Variants in QTGAL observed in about 807,000 individuals in gnomAD.
QTGAL encodes the protein BGnT-like protein 1.
chr17:82,959,596 C>T, the QTGAL span, among the ~76,000 whole-genome samples: 24 of 151,830 alleles, frequency 1.6e-4, no homozygotes, highest in Admixed American at 3.3e-4. Context: ...TTGGGTGTCT[C>T]GGGGCGGGGG....
chr17:82,989,483 G>A, the QTGAL span, among the ~76,000 whole-genome samples: 1 of 115,832 alleles, frequency 8.6e-6, no homozygotes, highest in Admixed American at 1.0e-4. Context: ...TTCTGCACAT[G>A]TATTCTGGAA....
At chr17:83,042,921 A>G in the QTGAL span, among the ~76,000 whole-genome samples, 4 of 152,228 alleles carry the variant, frequency 2.6e-5, no homozygotes, top group Non-Finnish European at 4.4e-5. Context: ...CAGAAAAAAT[A>G]GACTTCAACT....
chr17:82,999,229 T>C, the QTGAL span, among the ~76,000 whole-genome samples: 1 of 148,686 alleles, frequency 6.7e-6, no homozygotes, highest in South Asian at 2.1e-4. Context: ...CTTGTACATA[T>C]GTTCACTGTC....
the QTGAL span, among the ~76,000 whole-genome samples, chr17:83,016,316 A>G: frequency 1.3e-5 from 2 of 152,162 alleles, no homozygotes; most frequent in African/African-American, 4.8e-5. Context: ...AAATACCCAT[A>G]TTTATGTCTC....
chr17:82,980,668 G>A, the QTGAL span, among the ~76,000 whole-genome samples: 1 of 152,246 alleles, frequency 6.6e-6, no homozygotes, highest in Non-Finnish European at 1.5e-5. Context: ...ACGGGGAAAG[G>A]TATGGGGGAA....
chr17:82,973,305 T>A, the QTGAL span, among the ~76,000 whole-genome samples: 1 of 151,202 alleles, frequency 6.6e-6, no homozygotes, highest in African/African-American at 2.4e-5. Context: ...TGTGACCATC[T>A]GTGGGTTTTT....
At chr17:83,024,783 G>A in the QTGAL span, among the ~76,000 whole-genome samples, 1 of 152,262 alleles carries the variant, frequency 6.6e-6, no homozygotes, top group South Asian at 2.1e-4. Context: ...AGCCGGACAG[G>A]CAGACGCTGT....
the QTGAL span, among the ~76,000 whole-genome samples, chr17:83,036,641 C>T: frequency 6.6e-6 from 1 of 152,064 alleles, no homozygotes; most frequent in Non-Finnish European, 1.5e-5. Context: ...CTAAAGGGTC[C>T]CTGTTAGGGA....
chr17:82,958,845 A>G, the QTGAL span, among the ~76,000 whole-genome samples: 1 of 100,616 alleles, frequency 9.9e-6, no homozygotes, highest in African/African-American at 3.6e-5. Context: ...GTGTGTGTGT[A>G]CACTGGGGGT....
At chr17:83,011,238 G>A in the QTGAL span, among the ~76,000 whole-genome samples, 1 of 152,236 alleles carries the variant, frequency 6.6e-6, no homozygotes, top group South Asian at 2.1e-4. Flanking sequence ...AGGAACGGGG[G>A]CAAGTTACAG....
the QTGAL span, among the ~76,000 whole-genome samples, chr17:83,035,526 G>A: frequency 6.6e-6 from 1 of 151,506 alleles, no homozygotes; most frequent in Non-Finnish European, 1.5e-5. Context: ...CAAAAATGTG[G>A]GTCAGCTTTC....
the QTGAL span, among the ~76,000 whole-genome samples, chr17:83,038,177 C>T: frequency 6.6e-6 from 1 of 152,146 alleles, no homozygotes; most frequent in Admixed American, 6.5e-5. Flanking sequence ...TATAACTCTC[C>T]CTATTCAAGA....
the QTGAL span, among the ~76,000 whole-genome samples, chr17:83,029,893 G>A: frequency 1.1e-4 from 17 of 152,258 alleles, no homozygotes; most frequent in Non-Finnish European, 1.8e-4. Context: ...TTGCTGACGC[G>A]CCCGTTGCTT....
At chr17:82,995,698 A>G in the QTGAL span, among the ~76,000 whole-genome samples, 1 of 152,124 alleles carries the variant, frequency 6.6e-6, no homozygotes, top group South Asian at 2.1e-4. Context: ...TAGCATTTCT[A>G]TATGCCAACA....
the QTGAL span, among the ~76,000 whole-genome samples, chr17:83,030,514 C>T: frequency 2.4e-4 from 36 of 152,330 alleles, no homozygotes; most frequent in African/African-American, 7.9e-4. Context: ...GGGTTCTAGA[C>T]GGCACTGCTG....
the QTGAL span, among the ~76,000 whole-genome samples, chr17:83,001,808 T>C: frequency 6.6e-6 from 1 of 152,228 alleles, no homozygotes; most frequent in Non-Finnish European, 1.5e-5. Flanking sequence ...CAGGGTCTGT[T>C]GCCCAGGCTG....
chr17:82,961,179 G>A, the QTGAL span: 89 of 1,605,788 alleles, frequency 5.5e-5, no homozygotes, highest in South Asian at 1.1e-4. Context: ...CCTCCGGGAC[G>A]CCCTGCAGGG....
chr17:83,017,603 CAGAG>C, the QTGAL span, among the ~76,000 whole-genome samples: 12 of 152,280 alleles, frequency 7.9e-5, no homozygotes, highest in African/African-American at 2.6e-4. Context: ...GCCTGGGCGA[CAGAG>C]AGAGACTCCA....
chr17:83,019,741 CT>C, the QTGAL span, among the ~76,000 whole-genome samples: 2 of 151,708 alleles, frequency 1.3e-5, no homozygotes, highest in Admixed American at 6.6e-5. Flanking sequence ...AACTTTCTCT[CT>C]TTTTTTTTGA....
Sources: gnomAD v4.1 joint callset for allele counts (sites outside exome capture counted in the v4.1 genomes callset) on GRCh38, gnomAD v4.1.1 for gene constraint, MANE v1.5 for transcripts, NCBI Gene and HGNC (gene_info 2026-07-23, HGNC 2026-07-21) for gene names.